TMEM135: variants seen among roughly 807,000 people sequenced by gnomAD.
The protein encoded by TMEM135 is transmembrane protein 135, also known as peroxisomal membrane protein 52.
TMEM135 carries 30 observed loss-of-function variants against 60.3 expected under a neutral mutation model. That is an observed-to-expected ratio of 0.50 (90% CI 0.37 to 0.68). The LOEUF (loss-of-function observed/expected upper bound fraction) is 0.68. Among genes scored for constraint, TMEM135 ranks in the 30% least tolerant of loss-of-function variants. The probability of loss-of-function intolerance (pLI) is 0.00; values close to 1 mark genes in which losing one functional copy is unlikely to be tolerated. For synonymous variants in TMEM135, 190 were observed against 186.7 expected (o/e 1.02, Z -0.14); for missense variants, 468 against 548.8 (o/e 0.85, Z 1.47).
At chr11:87,062,180 A>G (rs1949953313) in intron 1 of TMEM135, among the ~76,000 whole-genome samples, 1 of 151,084 alleles carries the variant, frequency 6.6e-6, no homozygotes, top group Admixed American at 6.6e-5. Flanking sequence ...TAATTTTTGT[A>G]TTTTTAGTAG....
At chr11:87,088,662 C>G (rs554725126) in intron 3 of TMEM135, among the ~76,000 whole-genome samples, 1 of 152,338 alleles carries the variant, frequency 6.6e-6, no homozygotes, top group African/African-American at 2.4e-5. Context: ...AACATTTCAG[C>G]TCTTCATGAG....
At chr11:87,071,100 G>T (rs1009192545) in intron 2 of TMEM135, among the ~76,000 whole-genome samples, 1 of 152,156 alleles carries the variant, frequency 6.6e-6, no homozygotes, top group Non-Finnish European at 1.5e-5. Context: ...GAATGTGGCC[G>T]GCTGTTACTG....
At chr11:87,271,067 A>G (rs1345789809) in intron 6 of TMEM135, among the ~76,000 whole-genome samples, 1 of 152,182 alleles carries the variant, frequency 6.6e-6, no homozygotes, top group African/African-American at 2.4e-5. Context: ...GTGATAAAAT[A>G]CTTTTCATGA....
chr11:87,227,512 T>TA (rs989364558), intron 5 of TMEM135, among the ~76,000 whole-genome samples: 9 of 151,064 alleles, frequency 6.0e-5, no homozygotes, highest in South Asian at 4.2e-4. Flanking sequence ...AATAGAAACA[T>TA]AAAAAAAAAT....
At chr11:87,178,382 A>G in intron 5 of TMEM135, 4 of 455,542 alleles carry the variant, frequency 8.8e-6, no homozygotes, top group Admixed American at 7.1e-5. Flanking sequence ...AATTTTATAT[A>G]CATGTAATTA....
chr11:87,148,903 C>T (rs1020646762), intron 4 of TMEM135, among the ~76,000 whole-genome samples: 3 of 151,912 alleles, frequency 2.0e-5, no homozygotes, highest in Non-Finnish European at 4.4e-5. Context: ...GCATTATTGG[C>T]CTGTTATAAA....
intron 6 of TMEM135, among the ~76,000 whole-genome samples, chr11:87,272,219 G>A (rs1167817692): frequency 1.3e-5 from 2 of 151,028 alleles, no homozygotes; most frequent in African/African-American, 4.9e-5. Context: ...ACACCCAGCT[G>A]ATTTTCTTGT....
At position 87,152,620 on chromosome 11, in the gene TMEM135, A is replaced by G. The variant is rs1241072137; in HGVS notation, c.397-4721A>G. 2.6e-5 allele frequency among the ~76,000 whole-genome samples: 4 copies of G among 152,190 alleles called. No homozygotes were observed. The East Asian group carries it at 5.8e-4, about 22-fold the overall frequency. On this transcript the variant is annotated intron_variant, in intron 4 of 14. Transcript: ENST00000305494. ...TGCCTGGCTGATTTTTTGTATTTTT[A>G]GTAGAGACGGGTTTCGCCATGTCGG...
intron 1 of TMEM135, among the ~76,000 whole-genome samples, chr11:87,061,129 G>A (rs554015206): frequency 6.6e-6 from 1 of 152,190 alleles, no homozygotes; most frequent in East Asian, 1.9e-4. Flanking sequence ...ATGGTGCCTG[G>A]CACAAGTGCT....
intron 1 of TMEM135, among the ~76,000 whole-genome samples, chr11:87,066,779 C>CTTTTTTTTTTTTTTTTT (rs201355341): frequency 7.7e-6 from 1 of 129,178 alleles, no homozygotes; most frequent in African/African-American, 3.0e-5. Context: ...TTACTAGATT[C>CTTTTTTTTTTTTTTTTT]TTTCTTTTTT....
chr11:87,169,735 A>ATT (rs996308558), intron 5 of TMEM135, among the ~76,000 whole-genome samples: 13 of 151,718 alleles, frequency 8.6e-5, no homozygotes, highest in African/African-American at 3.1e-4. Context: ...CCCTTAACAT[A>ATT]TTTTCCTTCA....
At chr11:87,185,228 C>G (rs1939620317) in intron 5 of TMEM135, among the ~76,000 whole-genome samples, 1 of 152,112 alleles carries the variant, frequency 6.6e-6, no homozygotes, top group Non-Finnish European at 1.5e-5. Context: ...CGTATTTAGT[C>G]AGTGTTCACA....
chr11:87,187,162 T>A (rs1464778880), intron 5 of TMEM135, among the ~76,000 whole-genome samples: 1 of 152,200 alleles, frequency 6.6e-6, no homozygotes, highest in African/African-American at 2.4e-5. Flanking sequence ...CAAGCCAAGT[T>A]AAGAATTCAT....
intron 5 of TMEM135, among the ~76,000 whole-genome samples, chr11:87,176,316 T>G (rs1007757878): frequency 6.6e-6 from 1 of 152,116 alleles, no homozygotes; most frequent in African/African-American, 2.4e-5. Context: ...CCGGCTCCCC[T>G]TTGCCTTCTG....
chr11:87,117,369 T>C (rs1392107649), intron 4 of TMEM135, among the ~76,000 whole-genome samples: 1 of 152,220 alleles, frequency 6.6e-6, no homozygotes, highest in Non-Finnish European at 1.5e-5. Flanking sequence ...CTCTGAAGCA[T>C]GCAGTGCTGT....
intron 5 of TMEM135, among the ~76,000 whole-genome samples, chr11:87,185,910 C>G (rs1939640793): frequency 9.3e-6 from 1 of 107,050 alleles, no homozygotes; most frequent in South Asian, 2.8e-4. Context: ...TGTAGTTATC[C>G]TTCTTTTTTT....
At chr11:87,157,619 C>T (rs146104623) in intron 5 of TMEM135, 203 of 474,050 alleles carry the variant, frequency 4.3e-4, no homozygotes, top group African/African-American at 2.6e-3. Flanking sequence ...TGTCTTTTTA[C>T]CTTTAGTTAT....
chr11:87,271,434 A>G (rs1591157694), intron 6 of TMEM135, among the ~76,000 whole-genome samples: 1 of 152,224 alleles, frequency 6.6e-6, no homozygotes, highest in South Asian at 2.1e-4. Flanking sequence ...GTAAAACAGC[A>G]TTGTCCAATA....
At chr11:87,075,304 G>A (rs375104472) in intron 3 of TMEM135, among the ~76,000 whole-genome samples, 1 of 151,298 alleles carries the variant, frequency 6.6e-6, no homozygotes, top group Non-Finnish European at 1.5e-5. Context: ...GACTATAGGT[G>A]CCCGCCAGCT....
Sources: allele counts gnomAD v4.1 joint callset (sites outside exome capture counted in the v4.1 genomes callset), GRCh38; gene constraint gnomAD v4.1.1; transcripts MANE v1.5; gene names NCBI Gene and HGNC (gene_info 2026-07-23, HGNC 2026-07-21).